Variants in SLC27A1 observed in about 807,000 individuals in gnomAD.
SLC27A1 encodes the protein long-chain fatty acid transport protein 1.
SLC27A1 carries 61 observed loss-of-function variants against 62.2 expected under a neutral mutation model. That is an observed-to-expected ratio of 0.98 (90% CI 0.80 to 1.21). The LOEUF is 1.21. Among genes scored for constraint, SLC27A1 ranks in the 50% most tolerant of loss-of-function variants. The probability of loss-of-function intolerance (pLI) is 0.00; values close to 1 mark genes in which losing one functional copy is unlikely to be tolerated. For synonymous variants in SLC27A1, 435 were observed against 408.6 expected (o/e 1.06, Z -0.78); for missense variants, 903 against 932.1 (o/e 0.97, Z 0.41).
At position 17,486,060 on chromosome 19, in the gene SLC27A1, TG is replaced by T. The variant is rs961325446; in HGVS notation, c.168-499del. ...CACTGGCACATCTCCTGGCCCTACC[TG>T]GGGCAGGGGCAATCCCTCCCCAGTT... On this transcript the variant is annotated intron_variant, in intron 1 of 11. Coordinates refer to ENST00000252595, the MANE Select transcript of SLC27A1 (RefSeq NM_198580.3). The surrounding 1 kb of genome is among the most constrained non-coding windows in gnomAD (Gnocchi z 6.6). Among the ~76,000 whole-genome samples, 11 of 152,182 alleles carry T rather than the reference TG, an allele frequency of 7.2e-5. No homozygotes were observed. Among genetic ancestry groups the T allele is most frequent in the African/African-American group, 2.7e-4 (11 of 41,456 alleles).
chr19:17,474,426 A>G (rs1349896247), intron 1 of SLC27A1, among the ~76,000 whole-genome samples: 6 of 152,112 alleles, frequency 3.9e-5, no homozygotes, highest in Admixed American at 2.6e-4. Context: ...GGGTTCACCC[A>G]GGCCCATCTC....
At position 17,504,964 on chromosome 19, in the gene SLC27A1, C is replaced by T. The variant is rs1341145442; in HGVS notation, c.*352C>T. ...CTAGAGTGCAGTGGTGGGATCTCGG[C>T]TCACTGCAACCTCTGCCTCCTGGGG... On this transcript the variant is annotated 3_prime_UTR_variant, in exon 12 of 12. Transcript: ENST00000252595. 2 of 422,730 alleles carry T rather than the reference C, an allele frequency of 4.7e-6. No individual in the cohort carries two copies. The highest frequency in any genetic ancestry group is 2.1e-5 in the African/African-American group (1 of 48,610). 26.2% of individuals were successfully genotyped at this position (422,730 alleles called of 1,614,324 possible).
In SLC27A1 at chr19:17,501,280, G is replaced by A. The variant is rs1416809578; in HGVS notation, c.1644G>A (p.Glu548=). 2 of 1,613,440 alleles carry A rather than the reference G, an allele frequency of 1.2e-6. No homozygotes were observed. The highest frequency in any genetic ancestry group is 1.1e-5 in the South Asian group (1 of 91,046). ...AVYGVAVPGV[E]GKAGMAAVAD... ...CTGAGCCTCTGCCTCCAGGAGTGGA[G>A]GGTAAGGCAGGGATGGCGGCCGTCG... The change falls in exon 11 of 12, where the codon GAG becomes GAA. Residue 548 remains glutamate, a synonymous_variant. Transcript: ENST00000252595.
In SLC27A1 at chr19:17,500,844, C is replaced by G. The variant is rs1178512059; in HGVS notation, c.1604C>G (p.Thr535Arg). ...GTGCTGAGCCGCCTGCTGGGCCAGACAGACGTGGCCGTCTATGGGGTGGCT... is the reference window on the plus strand; with the variant it reads ...GTGCTGAGCCGCCTGCTGGGCCAGAGAGACGTGGCCGTCTATGGGGTGGCT... Reference protein sequence around the residue: ...EGVLSRLLGQTDVAVYGVAVP... With the variant: ...EGVLSRLLGQRDVAVYGVAVP... The change falls in exon 10 of 12, where the codon ACA becomes AGA. Residue 535 changes from threonine to arginine, a missense_variant. Transcript: ENST00000252595. 1 of 1,610,456 alleles carries G rather than the reference C, an allele frequency of 6.2e-7. No individual in the cohort carries two copies. The highest frequency in any genetic ancestry group is 2.2e-5 in the East Asian group (1 of 44,862).
intron 4 of SLC27A1, 41 bp downstream of exon 4, chr19:17,487,570 T>G: frequency 6.3e-7 from 1 of 1,590,220 alleles, no homozygotes; most frequent in South Asian, 1.1e-5. Flanking sequence ...CCGCTGAGAG[T>G]GACCCAGGCT....
In SLC27A1 at chr19:17,480,809, C is replaced by T. The variant is rs530414191; in HGVS notation, c.168-5754C>T. ...CAGGTAGTGAACAGAATAGAATATC[C>T]AATAGGTTATTTTCAGCTGCCCCTT... On this transcript the variant is annotated intron_variant, in intron 1 of 11. Transcript: ENST00000252595. Among the ~76,000 whole-genome samples, 3 of 152,130 alleles carry T rather than the reference C, an allele frequency of 2.0e-5. No individual in the cohort carries two copies. In the South Asian group the frequency reaches 6.2e-4, roughly 32 times the overall value.
intron 1 of SLC27A1, among the ~76,000 whole-genome samples, chr19:17,471,074 G>A (rs184872557): frequency 1.3e-3 from 195 of 151,138 alleles, no homozygotes; most frequent in Non-Finnish European, 1.8e-3. Flanking sequence ...GAAATCCGTG[G>A]CGGTGTGGGG....
At chr19:17,487,016 G>A (rs1295274506) in intron 2 of SLC27A1, 59 bp downstream of exon 2, 1 of 1,537,752 alleles carries the variant, frequency 6.5e-7, no homozygotes, top group East Asian at 2.3e-5. Context: ...CTGGGCGGGC[G>A]GGGAGATGCT....
intron 1 of SLC27A1, among the ~76,000 whole-genome samples, chr19:17,476,234 G>T (rs1312288708): frequency 6.6e-6 from 1 of 152,004 alleles, no homozygotes; most frequent in African/African-American, 2.4e-5. Flanking sequence ...AGCAGAATTG[G>T]GTGTATACTA....
In SLC27A1 at chr19:17,487,237, G is replaced by A. The variant is rs202067578; in HGVS notation, c.626G>A (p.Gly209Glu). The A allele has an allele frequency of 3.1e-6, 5 of 1,613,932 alleles. No individual in the cohort carries two copies. Among genetic ancestry groups the A allele is most frequent in the African/African-American group, 1.3e-5 (1 of 74,886 alleles). ...ATCAAGTTCTGCTCTGGAGACTTGGGGCCCGAGGGCATCTTGCCGGACACC... is the reference window on the plus strand; with the variant it reads ...ATCAAGTTCTGCTCTGGAGACTTGGAGCCCGAGGGCATCTTGCCGGACACC... ...SLIKFCSGDL[G>E]PEGILPDTHL... The change falls in exon 3 of 12, where the codon GGG (glycine) becomes GAG (glutamate). Residue 209 changes from glycine (G) to glutamate (E), a missense_variant. Transcript: ENST00000252595.
Position 17,500,864 on chromosome 19 carries a change from G to T in SLC27A1, c.1624G>T (p.Val542Leu). ...LGQTDVAVYG[V>L]AVPGVEGKAG... is the part of the protein sequence containing the mutation. ...CCAGACAGACGTGGCCGTCTATGGG[G>T]TGGCTGTTCCAGGCAAGCTGGGGTT... The change falls in exon 10 of 12, where the codon GTG becomes TTG. Residue 542 changes from valine to leucine, a missense_variant. Val to Leu is a conservative substitution (Grantham distance 32). Transcript: ENST00000252595. 2 of 1,608,016 alleles carry T rather than the reference G, an allele frequency of 1.2e-6. No individual in the cohort carries two copies. The highest frequency in any genetic ancestry group is 1.7e-6 in the Non-Finnish European group (2 of 1,178,112).
chr19:17,502,864 T>A (rs2075432680), intron 11 of SLC27A1, among the ~76,000 whole-genome samples: 1 of 152,042 alleles, frequency 6.6e-6, no homozygotes, highest in Non-Finnish European at 1.5e-5. Flanking sequence ...TTTTTTGATT[T>A]TTTGTAGAGA....
chr19:17,474,956 G>A (rs2075109033), intron 1 of SLC27A1, among the ~76,000 whole-genome samples: 1 of 149,650 alleles, frequency 6.7e-6, no homozygotes. Context: ...GTCTTGCTCT[G>A]CCACCCGGGC....
upstream of SLC27A1, chr19:17,470,479 G>A: frequency 7.0e-7 from 1 of 1,437,148 alleles, no homozygotes; most frequent in Non-Finnish European, 9.1e-7. Context: ...GTCGTGGGGC[G>A]GAGCGGGTCG....
intron 4 of SLC27A1, among the ~76,000 whole-genome samples, 192 bp downstream of exon 4, chr19:17,487,721 A>T (rs2075251593): frequency 6.6e-6 from 1 of 151,706 alleles, no homozygotes; most frequent in Non-Finnish European, 1.5e-5. Context: ...ACTCATTGCA[A>T]CCCTCATAAC....
At chr19:17,493,955 C>T (rs1248423029) in intron 6 of SLC27A1, among the ~76,000 whole-genome samples, 2 of 151,550 alleles carry the variant, frequency 1.3e-5, no homozygotes, top group East Asian at 1.9e-4. Context: ...TTACTGTACA[C>T]GTGCTAACAA....
intron 1 of SLC27A1, among the ~76,000 whole-genome samples, chr19:17,476,099 C>T (rs559739619): frequency 6.6e-6 from 1 of 152,286 alleles, no homozygotes; most frequent in East Asian, 1.9e-4. Context: ...GGGCACCCTA[C>T]TGGCAGGGGC....
chr19:17,469,636 T>C (rs768860182), upstream of SLC27A1, among the ~76,000 whole-genome samples: 127 of 152,184 alleles, frequency 8.3e-4, no homozygotes, highest in Admixed American at 2.1e-3. Flanking sequence ...TGCCTCTCTA[T>C]GGTCGTGGCT....
intron 11 of SLC27A1, among the ~76,000 whole-genome samples, chr19:17,501,838 G>A (rs2144621819): frequency 6.8e-6 from 1 of 148,086 alleles, no homozygotes; most frequent in African/African-American, 2.5e-5. Flanking sequence ...CTGGCCGGGT[G>A]TGGTGGCTCC....
Sources: gnomAD v4.1 joint callset for allele counts (sites outside exome capture counted in the v4.1 genomes callset) on GRCh38, gnomAD v4.1.1 for gene constraint, Gnocchi (gnomAD v3.1) non-coding constraint, MANE v1.5 for transcripts, NCBI Gene and HGNC (gene_info 2026-07-23, HGNC 2026-07-21) for gene names.